The following CNTNAP2 variants were observed in gnomAD, a reference collection of about 807,000 sequenced individuals.
CNTNAP2 encodes contactin associated protein 2.
A neutral mutation model predicts 155.2 loss-of-function variants in CNTNAP2; 98 were observed. The ratio of observed to expected loss-of-function variants is 0.63; its 90% CI spans 0.54 to 0.75. The LOEUF (loss-of-function observed/expected upper bound fraction) is 0.75, where lower values mean the gene tolerates loss of function less well. Among genes scored for constraint, CNTNAP2 ranks in the 30% least tolerant of loss-of-function variants. The pLI is 0.00. For missense variants in CNTNAP2, 1,727 were observed against 1,688.1 expected, an observed-to-expected ratio of 1.02 and a Z score of -0.40; for synonymous variants, 651 against 631.2, an observed-to-expected ratio of 1.03 and a Z score of -0.47.
At chr7:146,916,215 T>C (rs1796391559) in intron 3 of CNTNAP2, among the ~76,000 whole-genome samples, 1 of 152,170 alleles carries the variant, frequency 6.6e-6, no homozygotes, top group Non-Finnish European at 1.5e-5. Context: ...TTGGACTTGG[T>C]TAGCTAGTAT....
chr7:148,101,021 A>G (rs1167048997), intron 15 of CNTNAP2, among the ~76,000 whole-genome samples: 1 of 151,096 alleles, frequency 6.6e-6, no homozygotes, highest in Non-Finnish European at 1.5e-5. Context: ...TCAGCAAACT[A>G]TTGCAAGGAC....
At chr7:146,299,673 T>A (rs1800573563) in intron 1 of CNTNAP2, among the ~76,000 whole-genome samples, 1 of 152,086 alleles carries the variant, frequency 6.6e-6, no homozygotes, top group South Asian at 2.1e-4. Flanking sequence ...AATGCAGGGA[T>A]AACAAGCATG....
chr7:147,745,317 C>T (rs918085506), intron 13 of CNTNAP2, among the ~76,000 whole-genome samples: 1 of 152,152 alleles, frequency 6.6e-6, no homozygotes, highest in Non-Finnish European at 1.5e-5. Flanking sequence ...ATATTTTTAC[C>T]ATTTCAGGGA....
intron 1 of CNTNAP2, among the ~76,000 whole-genome samples, chr7:146,199,602 A>T (rs1798827460): frequency 6.6e-6 from 1 of 152,184 alleles, no homozygotes. Flanking sequence ...GTCCCTTTTT[A>T]CTTGTATACA....
chr7:146,483,282 A>ATATATATATAT (rs1554439529), intron 1 of CNTNAP2, among the ~76,000 whole-genome samples: 1 of 39,868 alleles, frequency 2.5e-5, no homozygotes, highest in Non-Finnish European at 5.0e-5. Context: ...TCTAAAAAAA[A>ATATATATATAT]ATATATATAT....
chr7:146,720,323 A>C (rs1166946161), intron 1 of CNTNAP2, among the ~76,000 whole-genome samples: 2 of 152,102 alleles, frequency 1.3e-5, no homozygotes, highest in East Asian at 1.9e-4. Context: ...CTCACTTTCA[A>C]ATACCTGAGT....
intron 9 of CNTNAP2, among the ~76,000 whole-genome samples, chr7:147,328,034 G>C (rs1211674155): frequency 6.6e-6 from 1 of 151,962 alleles, no homozygotes; most frequent in African/African-American, 2.4e-5. Context: ...ACAAAATCTA[G>C]AGACAAATTT....
intron 4 of CNTNAP2, among the ~76,000 whole-genome samples, chr7:147,084,781 A>T (rs1434059654): frequency 6.8e-6 from 1 of 147,584 alleles, no homozygotes; most frequent in Non-Finnish European, 1.5e-5. Flanking sequence ...AATATGTAAC[A>T]TGATGATGTA....
intron 14 of CNTNAP2, among the ~76,000 whole-genome samples, chr7:147,948,315 G>T (rs1800855550): frequency 6.6e-6 from 1 of 151,648 alleles, no homozygotes. Context: ...GAGTGTGATT[G>T]GATTGTTTGT....
At chr7:147,020,870 C>T (rs1465137348) in intron 3 of CNTNAP2, among the ~76,000 whole-genome samples, 1 of 152,046 alleles carries the variant, frequency 6.6e-6, no homozygotes, top group African/African-American at 2.4e-5. Flanking sequence ...AGTCAGAGAA[C>T]ACTAAGGTTG....
At chr7:146,942,196 C>T (rs1480822400) in intron 3 of CNTNAP2, among the ~76,000 whole-genome samples, 1 of 151,740 alleles carries the variant, frequency 6.6e-6, no homozygotes, top group Non-Finnish European at 1.5e-5. Flanking sequence ...GGAAAAATAC[C>T]TTCAAAATTC....
chr7:148,164,503 G>C (rs1805611592), intron 17 of CNTNAP2, among the ~76,000 whole-genome samples: 1 of 151,778 alleles, frequency 6.6e-6, no homozygotes, highest in Admixed American at 6.6e-5. Context: ...CCAGTGGCGG[G>C]CTCAAGACCT....
intron 3 of CNTNAP2, among the ~76,000 whole-genome samples, chr7:146,875,944 AAAAAAAAAAAAAAAAAACAAAAAAC>A (rs1795415773): frequency 7.0e-6 from 1 of 143,802 alleles, no homozygotes; most frequent in South Asian, 2.2e-4. Flanking sequence ...CAAAAAAAAA[AAAAAAAAAAAAAAAAAACAAAAAAC>A]AAAAAAACGA....
chr7:146,541,286 A>G (rs931924372), intron 1 of CNTNAP2, among the ~76,000 whole-genome samples: 2 of 152,038 alleles, frequency 1.3e-5, no homozygotes, highest in East Asian at 1.9e-4. Context: ...TTTCCTAAAC[A>G]GTATGTTGCT....
chr7:148,096,545 A>G (rs532172529), intron 15 of CNTNAP2, among the ~76,000 whole-genome samples: 260 of 152,246 alleles, frequency 1.7e-3, no homozygotes, highest in African/African-American at 5.9e-3. Flanking sequence ...AGGGGTGAAT[A>G]TTCATGAAGC....
chr7:148,275,764 A>T (rs747668594), intron 21 of CNTNAP2, among the ~76,000 whole-genome samples: 9 of 152,184 alleles, frequency 5.9e-5, no homozygotes, highest in Non-Finnish European at 1.0e-4. Flanking sequence ...CAAACAGCAA[A>T]TGTAGAAGCT....
intron 15 of CNTNAP2, among the ~76,000 whole-genome samples, chr7:148,054,447 CTTTTTTTTTTTTTTT>C (rs61157011): frequency 1.4e-5 from 1 of 73,076 alleles, no homozygotes; most frequent in African/African-American, 6.0e-5. Flanking sequence ...TCTCAGTGGC[CTTTTTTTTTTTTTTT>C]TTTTTTTTTT....
intron 13 of CNTNAP2, among the ~76,000 whole-genome samples, chr7:147,709,079 C>A (rs1313286384): frequency 6.6e-6 from 1 of 152,156 alleles, no homozygotes; most frequent in Non-Finnish European, 1.5e-5. Context: ...GGGATGTGGT[C>A]AGCTGATGCC....
At chr7:147,485,164 T>TTGGC (rs1011528845) in intron 10 of CNTNAP2, among the ~76,000 whole-genome samples, 47 of 152,328 alleles carry the variant, frequency 3.1e-4, no homozygotes, top group African/African-American at 1.1e-3. Context: ...CTTCCGTTTA[T>TTGGC]TGGCCCACTA....
Sources: allele counts gnomAD v4.1 joint callset (sites outside exome capture counted in the v4.1 genomes callset), GRCh38; gene constraint gnomAD v4.1.1; transcripts MANE v1.5; gene names NCBI Gene and HGNC (gene_info 2026-07-23, HGNC 2026-07-21).